The following ZNF600 variants were observed in gnomAD, a reference collection of about 807,000 sequenced individuals.
ZNF600 encodes the protein zinc finger protein 600, also known as zinc finger protein KR-ZNF1.
A neutral mutation model predicts 7.3 loss-of-function variants in ZNF600; 4 were observed. The ratio of observed to expected loss-of-function variants is 0.55; its 90% CI spans 0.27 to 1.25. The LOEUF is 1.25. Among genes scored for constraint, ZNF600 ranks in the 50% most tolerant of loss-of-function variants. The pLI, the probability that ZNF600 is intolerant of heterozygous loss-of-function variation, is 0.12. For missense variants in ZNF600, 911 were observed against 922.1 expected (o/e 0.99, Z 0.16); for synonymous variants, 290 against 308.9 (o/e 0.94, Z 0.64).
At chr19:52,786,710 C>A (rs905641015) in exon 1 of ZNF600, 21 of 344,598 alleles carry the variant, frequency 6.1e-5, no homozygotes, top group African/African-American at 1.2e-4. Context: ...CAGACTTAAT[C>A]CAAGGCAGAG....
upstream of ZNF600, among the ~76,000 whole-genome samples, chr19:52,789,928 A>G (rs78464704): frequency 0.029 from 4,345 of 151,966 alleles, 205 homozygotes; most frequent in African/African-American, 0.097. Context: ...GGTAAAGGAA[A>G]ACTACAGTCA....
At chr19:52,786,938 C>CA, upstream of ZNF600, 1 of 163,042 alleles carries the variant, frequency 6.1e-6, no homozygotes, top group South Asian at 1.4e-4. Flanking sequence ...CTCTGTTTTT[C>CA]GAGTTTTTGG....
At chr19:52,805,797 A>G in the ZNF600 span, 1 of 152,182 alleles carries the variant, frequency 6.6e-6, no homozygotes, top group African/African-American at 2.4e-5. Context: ...AGCCTGGCCA[A>G]CAAAAAGAAA....
intron 3 of ZNF600, among the ~76,000 whole-genome samples, chr19:52,774,292 G>A (rs988423626): frequency 1.3e-5 from 2 of 151,582 alleles, no homozygotes; most frequent in African/African-American, 4.8e-5. Flanking sequence ...AGCTGGGTGT[G>A]GTGGCACATG....
the ZNF600 span, among the ~76,000 whole-genome samples, chr19:52,825,677 C>A: frequency 6.6e-6 from 1 of 151,826 alleles, no homozygotes; most frequent in Non-Finnish European, 1.5e-5. Context: ...ACATACAAAA[C>A]AAAAAACAAC....
chr19:52,787,626 A>C (rs2062776331), upstream of ZNF600, among the ~76,000 whole-genome samples: 1 of 151,394 alleles, frequency 6.6e-6, no homozygotes, highest in Non-Finnish European at 1.5e-5. Context: ...TGGGAGGCTG[A>C]GGCGGGCAGA....
the ZNF600 span, among the ~76,000 whole-genome samples, chr19:52,820,412 C>T: frequency 4.2e-5 from 3 of 71,386 alleles, no homozygotes; most frequent in Non-Finnish European, 8.3e-5. Flanking sequence ...CCACCGCGCC[C>T]GGCCCTTATT....
chr19:52,771,697 T>A (rs1285743953), intron 3 of ZNF600, among the ~76,000 whole-genome samples: 8 of 152,170 alleles, frequency 5.3e-5, no homozygotes, highest in Non-Finnish European at 8.8e-5. Flanking sequence ...AGGCTGGTCT[T>A]GAAATTCTGA....
chr19:52,829,092 C>T, the ZNF600 span, among the ~76,000 whole-genome samples: 5,921 of 152,200 alleles, frequency 0.039, 234 homozygotes, highest in South Asian at 0.2. Flanking sequence ...TCTTCATCTC[C>T]TGACCTTGTG....
the ZNF600 span, among the ~76,000 whole-genome samples, chr19:52,828,857 T>G: frequency 1.3e-5 from 2 of 152,228 alleles, no homozygotes; most frequent in South Asian, 4.1e-4. Context: ...ATTTTTATTT[T>G]TATTTCTTTA....
In ZNF600 at chr19:52,774,652, C is replaced by T. The variant is rs1234633345; in HGVS notation, c.113G>A (p.Trp38Ter). The change falls in exon 3 of 4, where the codon TGG becomes TAG. Residue 38 changes from tryptophan (W) to a stop codon, truncating the protein, a stop_gained. Coordinates refer to ENST00000648973, the Ensembl canonical transcript of ZNF600. LOFTEE classifies it high-confidence loss of function. Reference sequence around the variant, plus strand: ...CCTCTGCGAAGGGTTCAGGCATTTCCACTCTGCCAATGAGAATTCTATAGC... The same window carrying T: ...CCTCTGCGAAGGGTTCAGGCATTTCTACTCTGCCAATGAGAATTCTATAGC... 12 of 985,196 alleles carry T rather than the reference C, an allele frequency of 1.2e-5. No homozygotes were observed. In the Admixed American group the frequency reaches 7.4e-4, roughly 61 times the overall value. The allele number at this position is 985,196 out of a possible 1,614,324, so 61.0% of individuals were successfully genotyped here. A position where few individuals can be genotyped will look rare whatever the true frequency, so the allele number is the denominator to read the frequency against.
chr19:52,805,643 A>AAATAAATAAATAAATAAAT, the ZNF600 span: 57 of 140,302 alleles, frequency 4.1e-4, no homozygotes, highest in Admixed American at 5.8e-4. Flanking sequence ...AATAATAATA[A>AAATAAATAAATAAATAAAT]AAATAAATAA....
chr19:52,807,709 T>C, the ZNF600 span, among the ~76,000 whole-genome samples: 11 of 152,014 alleles, frequency 7.2e-5, no homozygotes, highest in East Asian at 2.1e-3. Context: ...TCCTCACCCA[T>C]AGCGATCCAC....
the ZNF600 span, among the ~76,000 whole-genome samples, chr19:52,824,299 G>A: frequency 2.6e-5 from 4 of 152,090 alleles, no homozygotes; most frequent in East Asian, 1.9e-4. Flanking sequence ...TCTACCTGCC[G>A]GTTGGCTGAC....
chr19:52,778,089 C>A (rs1394112603), intron 2 of ZNF600, among the ~76,000 whole-genome samples: 1 of 152,050 alleles, frequency 6.6e-6, no homozygotes, highest in Non-Finnish European at 1.5e-5. Context: ...TTTCGGCATA[C>A]AGTAACCTCC....
chr19:52,793,071 A>G, the ZNF600 span, among the ~76,000 whole-genome samples: 1 of 150,752 alleles, frequency 6.6e-6, no homozygotes. Flanking sequence ...ACGTCAATTA[A>G]TGCTCGAACT....
chr19:52,782,079 T>A (rs1173296209), intron 1 of ZNF600, among the ~76,000 whole-genome samples: 1 of 151,340 alleles, frequency 6.6e-6, no homozygotes, highest in Non-Finnish European at 1.5e-5. Context: ...TATCTAAACA[T>A]TAGCCAGGCC....
At chr19:52,826,818 G>A in the ZNF600 span, among the ~76,000 whole-genome samples, 1 of 152,182 alleles carries the variant, frequency 6.6e-6, no homozygotes, top group African/African-American at 2.4e-5. Context: ...GGAGGGTGCA[G>A]TGAGCTGACA....
At chr19:52,778,657 C>T (rs2062695734) in intron 2 of ZNF600, among the ~76,000 whole-genome samples, 169 bp downstream of exon 4, 1 of 152,168 alleles carries the variant, frequency 6.6e-6, no homozygotes, top group South Asian at 2.1e-4. Flanking sequence ...CACTGGGTCA[C>T]AGGAGATGGA....
Sources: allele counts gnomAD v4.1 joint callset (sites outside exome capture counted in the v4.1 genomes callset), GRCh38; gene constraint gnomAD v4.1.1; transcripts MANE v1.5; gene names NCBI Gene and HGNC (gene_info 2026-07-23, HGNC 2026-07-21).